The following RYR3 variants were observed in gnomAD, a reference collection of about 807,000 sequenced individuals.
RYR3 encodes the protein ryanodine receptor 3.
In RYR3, 207 loss-of-function variants were observed where a neutral mutation model predicts 584.3. The observed-to-expected ratio is 0.35, with a 90% CI of 0.32 to 0.40. The LOEUF is 0.40. Ranked by LOEUF, RYR3 falls within the 10% of genes least tolerant of loss-of-function variation. The pLI, the probability that RYR3 is intolerant of heterozygous loss-of-function variation, is 1.00. For synonymous variants in RYR3, 2,416 were observed against 2,248.5 expected (o/e 1.07, Z -2.11); for missense variants, 5,616 against 6,089.2 (o/e 0.92, Z 2.59).
In RYR3 at chr15:33,768,825, A is replaced by G. The variant is rs189124011; in HGVS notation, c.8755+118A>G. On this transcript the variant is annotated intron_variant, in intron 61 of 103. Coordinates refer to ENST00000634891, the MANE Select transcript of RYR3 (RefSeq NM_001036.6). ...GCCTTGGGACTAAGGTGTCACCTAA[A>G]TTTGCCATAGAAAATTGATCTGAAG... 2.8e-5 allele frequency: 27 copies of G among 970,970 alleles called. No individual in the cohort carries two copies. In the African/African-American group the frequency reaches 3.2e-4, roughly 12 times the overall value. 60.1% of individuals were successfully genotyped at this position (970,970 alleles called of 1,614,324 possible).
At chr15:33,664,027 G>A (rs1192120885) in intron 36 of RYR3, among the ~76,000 whole-genome samples, 2 of 152,122 alleles carry the variant, frequency 1.3e-5, no homozygotes, top group African/African-American at 4.8e-5. Context: ...GACCACTGTT[G>A]GGATTCAATT....
chr15:33,647,761 TG>T (rs2062185810), intron 30 of RYR3, among the ~76,000 whole-genome samples: 1 of 152,180 alleles, frequency 6.6e-6, no homozygotes, highest in Admixed American at 6.5e-5. Flanking sequence ...GAGCATCAGT[TG>T]GAGGGCGCTC....
intron 38 of RYR3, among the ~76,000 whole-genome samples, chr15:33,684,415 AG>A (rs1200891572): frequency 6.6e-6 from 1 of 152,078 alleles, no homozygotes; most frequent in East Asian, 1.9e-4. Flanking sequence ...GACTCTTAGA[AG>A]GAGAATTAAC....
Position 33,407,373 on chromosome 15 carries a change from C to T in RYR3, c.52-66046C>T, listed in dbSNP as rs79694787. Among the ~76,000 whole-genome samples, 665 of 152,220 alleles carry T rather than the reference C, an allele frequency of 4.4e-3. 6 individuals are homozygous for T. Among genetic ancestry groups the T allele is most frequent in the African/African-American group, 0.015 (629 of 41,524 alleles). On this transcript the variant is annotated intron_variant, in intron 1 of 103. Coordinates refer to ENST00000634891, the MANE Select transcript of RYR3 (RefSeq NM_001036.6). ...AGGGTATAAATGGGGAGCAGAGTAG[C>T]CTTACTGGAAGAGACCTGATGGAGA...
At chr15:33,507,582 G>T (rs1339675446) in intron 3 of RYR3, among the ~76,000 whole-genome samples, 1 of 152,088 alleles carries the variant, frequency 6.6e-6, no homozygotes, top group Non-Finnish European at 1.5e-5. Context: ...CAATTGATTA[G>T]ACCTACAGTG....
intron 18 of RYR3, among the ~76,000 whole-genome samples, chr15:33,611,256 A>C (rs985708670): frequency 4.6e-5 from 7 of 152,220 alleles, no homozygotes; most frequent in African/African-American, 1.7e-4. Context: ...CCCAGTTTGA[A>C]TAAAAAGTGT....
intron 1 of RYR3, among the ~76,000 whole-genome samples, chr15:33,461,962 A>G (rs1241599038): frequency 6.6e-6 from 1 of 152,138 alleles, no homozygotes. Flanking sequence ...TATTTCCTGA[A>G]TGAATGCATG....
chr15:33,559,668 T>A (rs1340279900), intron 10 of RYR3, among the ~76,000 whole-genome samples: 2 of 152,140 alleles, frequency 1.3e-5, no homozygotes, highest in Non-Finnish European at 2.9e-5. Flanking sequence ...CCTCCTGGAA[T>A]GTATGAGCCA....
At chr15:33,575,844 A>T (rs1567574503) in intron 12 of RYR3, among the ~76,000 whole-genome samples, 1 of 151,238 alleles carries the variant, frequency 6.6e-6, no homozygotes, top group African/African-American at 2.5e-5. Flanking sequence ...TAAAAAAAAA[A>T]AATTAATAAA....
In RYR3 at chr15:33,473,508, G is replaced by A; in HGVS notation, c.141G>A (p.Leu47=). ...CLAAEGLGNR[L]CFLEPTSEAK... Reference sequence around the variant, plus strand: ...CAGCCGAGGGACTTGGGAATCGCCTGTGCTTCTTGGAACCCACTTCAGAAG... The same window carrying A: ...CAGCCGAGGGACTTGGGAATCGCCTATGCTTCTTGGAACCCACTTCAGAAG... The change falls in exon 2 of 104, where the codon CTG becomes CTA. Residue 47 remains leucine, a synonymous_variant. Transcript: ENST00000634891. The A allele has an allele frequency of 6.2e-7, 1 of 1,614,012 alleles. No individual in the cohort carries two copies. The highest frequency in any genetic ancestry group is 8.5e-7 in the Non-Finnish European group (1 of 1,179,896).
chr15:33,551,055 G>C (rs8025009), intron 10 of RYR3, among the ~76,000 whole-genome samples: 4,019 of 152,244 alleles, frequency 0.026, 169 homozygotes, highest in African/African-American at 0.088. Flanking sequence ...CTCCTTTAAG[G>C]TTCAGCCAAG....
In RYR3 at chr15:33,769,917, C is replaced by A. The variant is rs376552933; in HGVS notation, c.8816+745C>A. Among the ~76,000 whole-genome samples, 7 of 152,002 alleles carry A rather than the reference C, an allele frequency of 4.6e-5. No individual in the cohort carries two copies. The East Asian group carries it at 9.7e-4, about 21-fold the overall frequency. On this transcript the variant is annotated intron_variant, in intron 62 of 103. Transcript: ENST00000634891. Reference sequence around the variant, plus strand: ...TGAGCTGAGATCACGCCACTACACTCCAGCCTGGATGACAGAGCCAGACCC... The same window carrying A: ...TGAGCTGAGATCACGCCACTACACTACAGCCTGGATGACAGAGCCAGACCC...
intron 1 of RYR3, among the ~76,000 whole-genome samples, chr15:33,411,209 T>C (rs761202631): frequency 6.6e-6 from 1 of 152,146 alleles, no homozygotes; most frequent in African/African-American, 2.4e-5. Flanking sequence ...AAAGTCTGCT[T>C]ACCTAGGGCT....
intron 1 of RYR3, among the ~76,000 whole-genome samples, chr15:33,391,289 T>C (rs2041978216): frequency 1.3e-5 from 2 of 152,180 alleles, no homozygotes; most frequent in Non-Finnish European, 2.9e-5. Flanking sequence ...AATTTTACTT[T>C]TGAACAAGTG....
intron 1 of RYR3, among the ~76,000 whole-genome samples, chr15:33,354,679 C>T (rs1973720518): frequency 6.6e-6 from 1 of 152,154 alleles, no homozygotes. Flanking sequence ...CACTAACTCT[C>T]ACATATACTC....
intron 6 of RYR3, 38 bp from the exon 7 acceptor site, chr15:33,540,753 G>A (rs756245247): frequency 1.8e-5 from 24 of 1,314,482 alleles, no homozygotes; most frequent in East Asian, 2.3e-5. Context: ...CACTGGACTG[G>A]TGATTTAAAA....
chr15:33,448,944 G>C (rs1878299), intron 1 of RYR3, among the ~76,000 whole-genome samples: 90,080 of 151,946 alleles, frequency 0.59, 26,747 homozygotes, highest in Middle Eastern at 0.66. Flanking sequence ...TTTAGAAAGG[G>C]AAGTGGTGCC....
chr15:33,721,268 GCT>G (rs1256326439), intron 43 of RYR3, among the ~76,000 whole-genome samples: 2 of 152,178 alleles, frequency 1.3e-5, no homozygotes, highest in African/African-American at 4.8e-5. Flanking sequence ...CTTGCCAACA[GCT>G]GTGTGAGTGA....
chr15:33,747,024 T>C (rs570898296), intron 53 of RYR3, among the ~76,000 whole-genome samples: 2 of 151,768 alleles, frequency 1.3e-5, no homozygotes, highest in South Asian at 4.2e-4. Flanking sequence ...TTGGCCAGGC[T>C]GGTCTTGAAC....
Sources: gnomAD v4.1 joint callset for allele counts (sites outside exome capture counted in the v4.1 genomes callset) on GRCh38, gnomAD v4.1.1 for gene constraint, MANE v1.5 for transcripts, NCBI Gene and HGNC (gene_info 2026-07-23, HGNC 2026-07-21) for gene names.